EYA1: variants seen among roughly 807,000 people sequenced by gnomAD.
The protein encoded by EYA1 is protein phosphatase EYA1.
Under a neutral mutation model 82.0 loss-of-function variants are expected in EYA1, and 16 were observed. The ratio of observed to expected loss-of-function variants is 0.20; its 90% CI spans 0.13 to 0.30. The LOEUF (loss-of-function observed/expected upper bound fraction) is 0.30, where lower values mean the gene tolerates loss of function less well. EYA1 is among the 10% of genes least tolerant of loss of function. The pLI is 1.00. For synonymous variants in EYA1, 261 were observed against 264.4 expected, an observed-to-expected ratio of 0.99 and a Z score of 0.12; for missense variants, 633 against 730.7, an observed-to-expected ratio of 0.87 and a Z score of 1.54.
intron 1 of EYA1, among the ~76,000 whole-genome samples, chr8:71,358,675 G>A (rs1827118351): frequency 6.6e-6 from 1 of 152,112 alleles, no homozygotes; most frequent in African/African-American, 2.4e-5. Context: ...AGTTTTTTAT[G>A]TGTAGTACAA....
intron 2 of EYA1, among the ~76,000 whole-genome samples, chr8:71,421,423 G>T (rs1831143224): frequency 1.3e-5 from 2 of 152,166 alleles, no homozygotes; most frequent in African/African-American, 4.8e-5. Flanking sequence ...ACTGTTTAAT[G>T]AAAGAACCAA....
At chr8:71,503,932 G>C (rs1391222566) in intron 2 of EYA1, among the ~76,000 whole-genome samples, 1 of 152,162 alleles carries the variant, frequency 6.6e-6, no homozygotes, top group African/African-American at 2.4e-5. Flanking sequence ...CCTATGTGAT[G>C]TGAGTCGCTG....
intron 12 of EYA1, among the ~76,000 whole-genome samples, chr8:71,234,132 T>C (rs1458858819): frequency 6.6e-6 from 1 of 152,246 alleles, no homozygotes; most frequent in African/African-American, 2.4e-5. Context: ...CCATGTAACC[T>C]GTGCTCCGGA....
chr8:71,426,948 C>T (rs917673293), intron 2 of EYA1, among the ~76,000 whole-genome samples: 7 of 152,124 alleles, frequency 4.6e-5, no homozygotes, highest in East Asian at 1.9e-4. Context: ...AGGAAGAAGA[C>T]TCAGAATGAG....
At chr8:71,455,107 C>A (rs781244397) in intron 2 of EYA1, among the ~76,000 whole-genome samples, 4 of 152,074 alleles carry the variant, frequency 2.6e-5, no homozygotes, top group Non-Finnish European at 2.9e-5. Flanking sequence ...TACAAACTAC[C>A]ATAAGAGAAT....
At chr8:71,405,706 T>G (rs1358808516) in intron 2 of EYA1, among the ~76,000 whole-genome samples, 1 of 152,168 alleles carries the variant, frequency 6.6e-6, no homozygotes, top group African/African-American at 2.4e-5. Flanking sequence ...GATATTAAGC[T>G]TCTATGATCT....
intron 11 of EYA1, among the ~76,000 whole-genome samples, chr8:71,255,842 A>G (rs1329974329): frequency 6.6e-6 from 1 of 152,110 alleles, no homozygotes; most frequent in Admixed American, 6.5e-5. Context: ...GTCAATATCC[A>G]GAATATGTAA....
At chr8:71,254,844 G>A (rs375571702) in intron 11 of EYA1, among the ~76,000 whole-genome samples, 1 of 83,924 alleles carries the variant, frequency 1.2e-5, no homozygotes, top group Non-Finnish European at 2.6e-5. Context: ...CCCCCACCCC[G>A]CCCCCCACCA....
intron 2 of EYA1, among the ~76,000 whole-genome samples, chr8:71,355,684 A>G (rs1826795575): frequency 6.6e-6 from 1 of 152,204 alleles, no homozygotes; most frequent in South Asian, 2.1e-4. Context: ...GGAAATAACA[A>G]CAATTCTACT....
chr8:71,259,803 A>C lies in EYA1; in HGVS notation c.1050+9937T>G, dbSNP rs1814882653. Among the ~76,000 whole-genome samples, 4 of 152,318 alleles carry C rather than the reference A, an allele frequency of 2.6e-5. No individual in the cohort carries two copies. The South Asian group carries it at 6.2e-4, about 24-fold the overall frequency. On this transcript the variant is annotated intron_variant, in intron 11 of 17. Coordinates refer to ENST00000340726, the MANE Select transcript of EYA1 (RefSeq NM_000503.6). ...ATATTTCTGAGTATAAAAACAAAAT[A>C]TCTCTTCTCCTTTCTCTAGAAACGT...
intron 9 of EYA1, among the ~76,000 whole-genome samples, chr8:71,290,707 T>G (rs898112689): frequency 6.6e-6 from 1 of 152,072 alleles, no homozygotes; most frequent in African/African-American, 2.4e-5. Context: ...GTAACAAAAC[T>G]CATTTTCATA....
chr8:71,213,704 T>C (rs1264410741), intron 16 of EYA1, among the ~76,000 whole-genome samples: 3 of 152,352 alleles, frequency 2.0e-5, no homozygotes, highest in Middle Eastern at 3.4e-3. Context: ...CTGCTGACTG[T>C]GTCTTTCTGC....
At chr8:71,256,497 C>T (rs1814437131) in intron 11 of EYA1, among the ~76,000 whole-genome samples, 1 of 151,808 alleles carries the variant, frequency 6.6e-6, no homozygotes, top group South Asian at 2.1e-4. Context: ...AGGGTACCTG[C>T]AATACACAGA....
At position 71,283,325 on chromosome 8, in the gene EYA1, C is replaced by T. The variant is rs78009416; in HGVS notation, c.827-11428G>A. 2.0e-3 allele frequency among the ~76,000 whole-genome samples: 306 copies of T among 152,236 alleles called. 1 individual carries two copies. Among genetic ancestry groups the T allele is most frequent in the African/African-American group, 6.9e-3 (285 of 41,536 alleles). ...AGTGTCACCCGATGGACAACTCTTC[C>T]GAAACAGTTTACCTGCCCTAACGCT... is the stretch of plus-strand genomic sequence containing the variant. On this transcript the variant is annotated intron_variant, in intron 9 of 17. Transcript: ENST00000340726.
Position 71,517,641 on chromosome 8 carries a change from T to C in EYA1, c.33+18103A>G, listed in dbSNP as rs576273500. On this transcript the variant is annotated intron_variant, in intron 2 of 18. Coordinates refer to the EYA1 transcript ENST00000643681. ...GTGACTTTAACCAAAGAACTAATAT[T>C]ACTTTTTAAAGATAAAAGATGATCA... is the stretch of plus-strand genomic sequence containing the variant. Among the ~76,000 whole-genome samples, 15 of 150,896 alleles carry C rather than the reference T, an allele frequency of 9.9e-5. No individual in the cohort carries two copies. In the South Asian group the frequency reaches 2.9e-3, roughly 29 times the overall value.
intron 12 of EYA1, among the ~76,000 whole-genome samples, chr8:71,220,477 C>T (rs2128862739): frequency 6.6e-6 from 1 of 152,230 alleles, no homozygotes; most frequent in African/African-American, 2.4e-5. Context: ...TTCAAGGACT[C>T]CTGAAAGATT....
chr8:71,432,830 T>G (rs917309003), intron 2 of EYA1, among the ~76,000 whole-genome samples: 1 of 152,190 alleles, frequency 6.6e-6, no homozygotes, highest in Non-Finnish European at 1.5e-5. Flanking sequence ...CCAGCAAGAC[T>G]GATGGACTAA....
intron 11 of EYA1, among the ~76,000 whole-genome samples, chr8:71,261,766 C>A (rs529903923): frequency 7.9e-5 from 12 of 152,180 alleles, no homozygotes; most frequent in Non-Finnish European, 1.5e-4. Context: ...GGCTTCAACA[C>A]CAAGGGGCCC....
intron 1 of EYA1, among the ~76,000 whole-genome samples, chr8:71,536,949 A>G (rs564111269): frequency 6.6e-6 from 1 of 152,248 alleles, no homozygotes; most frequent in Non-Finnish European, 1.5e-5. Context: ...GAAATTTTAA[A>G]TGAATATCTT....
Sources: gnomAD v4.1 joint callset for allele counts (sites outside exome capture counted in the v4.1 genomes callset) on GRCh38, gnomAD v4.1.1 for gene constraint, MANE v1.5 for transcripts, NCBI Gene and HGNC (gene_info 2026-07-23, HGNC 2026-07-21) for gene names.